Variants in MYO10 observed in about 807,000 individuals in gnomAD.
The protein encoded by MYO10 is myosin X, also known as unconventional myosin-X.
MYO10 carries 133 observed loss-of-function variants against 257.3 expected under a neutral mutation model. That is an observed-to-expected ratio of 0.52 (90% CI 0.45 to 0.60). The LOEUF (loss-of-function observed/expected upper bound fraction) is 0.60, where lower values mean the gene tolerates loss of function less well. Among genes scored for constraint, MYO10 ranks in the 20% least tolerant of loss-of-function variants. The pLI, the probability that MYO10 is intolerant of heterozygous loss-of-function variation, is 0.00. For missense variants in MYO10, 2,399 were observed against 2,635.7 expected (o/e 0.91, Z 1.97); for synonymous variants, 1,104 against 1,028.6 (o/e 1.07, Z -1.40).
chr5:16,777,840 T>TATTC (rs375525178), intron 9 of MYO10, among the ~76,000 whole-genome samples: 10 of 53,614 alleles, frequency 1.9e-4, no homozygotes, highest in African/African-American at 8.4e-4. Context: ...TGCATCTAAC[T>TATTC]TTTTTTTTTT....
chr5:16,785,575 A>G (rs116632201), intron 4 of MYO10, among the ~76,000 whole-genome samples: 2,716 of 152,306 alleles, frequency 0.018, 69 homozygotes, highest in African/African-American at 0.061. Flanking sequence ...TTGCAGTAAA[A>G]ACAGCAGGCA....
chr5:16,797,202 C>G (rs138575041), intron 3 of MYO10, among the ~76,000 whole-genome samples: 554 of 152,226 alleles, frequency 3.6e-3, no homozygotes, highest in African/African-American at 0.013. Flanking sequence ...AAATCTGAAG[C>G]TTTTTGAGCA....
intron 1 of MYO10, among the ~76,000 whole-genome samples, chr5:16,882,923 AT>A (rs1260338231): frequency 4.2e-5 from 6 of 144,210 alleles, no homozygotes; most frequent in African/African-American, 8.2e-5. Flanking sequence ...TTATTTATTT[AT>A]TTTTTTTTTG....
chr5:16,930,064 A>G (rs187442166), intron 1 of MYO10, among the ~76,000 whole-genome samples: 1 of 152,364 alleles, frequency 6.6e-6, no homozygotes, highest in African/African-American at 2.4e-5. Context: ...TACAAATAAG[A>G]TATTTAACCT....
chr5:16,710,670 A>T lies in MYO10; in HGVS notation c.2169+238T>A. ...AAATACCCACACACAAACAATTAGG[A>T]TGAGATGTTTCAATGTGTTCTCTAA... is the stretch of plus-strand genomic sequence containing the variant. On this transcript the variant is annotated intron_variant, in intron 21 of 40. Transcript: ENST00000513610. 9.0e-6 allele frequency: 5 copies of T among 552,486 alleles called. No individual in the cohort carries two copies. In the South Asian group the frequency reaches 1.2e-4, roughly 13 times the overall value. 34.2% of individuals were successfully genotyped at this position (552,486 alleles called of 1,614,324 possible). A position where few individuals can be genotyped will look rare whatever the true frequency, so the allele number is the denominator to read the frequency against.
intron 26 of MYO10, among the ~76,000 whole-genome samples, chr5:16,697,673 G>A (rs1737818207): frequency 6.6e-6 from 1 of 151,398 alleles, no homozygotes. Flanking sequence ...ACTCCAGCCT[G>A]GGCAACAGAG....
chr5:16,755,039 T>G (rs1160709967), intron 18 of MYO10, 131 bp from the exon 19 acceptor site: 1 of 465,846 alleles, frequency 2.1e-6, no homozygotes, highest in Non-Finnish European at 3.6e-6. Context: ...CTTAGAGGTT[T>G]TCATTTTTTA....
At chr5:16,733,633 A>C (rs376723114) in intron 19 of MYO10, among the ~76,000 whole-genome samples, 110 of 152,252 alleles carry the variant, frequency 7.2e-4, no homozygotes, top group African/African-American at 2.4e-3. Flanking sequence ...TTCATGTATT[A>C]AAGTGGTTGC....
At chr5:16,860,027 G>A (rs545547877) in intron 2 of MYO10, among the ~76,000 whole-genome samples, 18 of 152,302 alleles carry the variant, frequency 1.2e-4, no homozygotes, top group African/African-American at 4.3e-4. Context: ...CTCAATGGAG[G>A]GGAAAGAAGA....
At chr5:16,788,527 G>C (rs1741660331) in intron 4 of MYO10, among the ~76,000 whole-genome samples, 2 of 152,134 alleles carry the variant, frequency 1.3e-5, no homozygotes, top group Non-Finnish European at 2.9e-5. Context: ...CAAGAGGAGG[G>C]ACAAGTTTCT....
intron 4 of MYO10, among the ~76,000 whole-genome samples, chr5:16,794,383 TAAA>T (rs58577651): frequency 0.52 from 72,581 of 140,560 alleles, 18,323 homozygotes; most frequent in South Asian, 0.63. Flanking sequence ...AATGTTGCTT[TAAA>T]AAAAAAAAAA....
At chr5:16,935,171 T>G (rs1746399946) in intron 1 of MYO10, among the ~76,000 whole-genome samples, 1 of 152,106 alleles carries the variant, frequency 6.6e-6, no homozygotes, top group Admixed American at 6.5e-5. Flanking sequence ...TTCTTTACAT[T>G]CGAATTCAAA....
intron 19 of MYO10, chr5:16,713,489 G>A: frequency 1.0e-6 from 1 of 985,764 alleles, no homozygotes; most frequent in Non-Finnish European, 1.2e-6. Flanking sequence ...CGGTCGCCAT[G>A]ACAACCCCTT....
chr5:16,920,133 G>C (rs1256820870), intron 1 of MYO10, among the ~76,000 whole-genome samples: 3 of 150,926 alleles, frequency 2.0e-5, no homozygotes. Context: ...AATTAGCTGG[G>C]CTTGGTGGCA....
At chr5:16,910,133 G>T (rs1479629672) in intron 1 of MYO10, among the ~76,000 whole-genome samples, 4 of 151,962 alleles carry the variant, frequency 2.6e-5, no homozygotes, top group Admixed American at 2.6e-4. Flanking sequence ...TTTATTTAGG[G>T]GTATTGAAAT....
intron 3 of MYO10, among the ~76,000 whole-genome samples, chr5:16,802,443 G>C (rs1409527266): frequency 6.6e-6 from 1 of 151,816 alleles, no homozygotes; most frequent in African/African-American, 2.4e-5. Flanking sequence ...TGGATCATGA[G>C]GTCAGGAGAT....
chr5:16,870,547 C>G (rs373460611), intron 2 of MYO10, among the ~76,000 whole-genome samples: 1 of 151,522 alleles, frequency 6.6e-6, no homozygotes, highest in African/African-American at 2.4e-5. Context: ...GAAAATTACA[C>G]TAATAGTTTT....
chr5:16,791,135 G>C (rs1191872095), intron 4 of MYO10, among the ~76,000 whole-genome samples: 5 of 152,040 alleles, frequency 3.3e-5, no homozygotes, highest in Non-Finnish European at 7.4e-5. Context: ...GAGAAAAATT[G>C]ATCTATGAAG....
intron 1 of MYO10, among the ~76,000 whole-genome samples, chr5:16,897,640 G>C (rs1745253392): frequency 6.6e-6 from 1 of 152,214 alleles, no homozygotes; most frequent in African/African-American, 2.4e-5. Context: ...ATGCCACAGA[G>C]GTTTGTCAAC....
Sources: allele counts gnomAD v4.1 joint callset (sites outside exome capture counted in the v4.1 genomes callset), GRCh38; gene constraint gnomAD v4.1.1; transcripts MANE v1.5; gene names NCBI Gene and HGNC (gene_info 2026-07-23, HGNC 2026-07-21).